The following OR51C1 variants were observed in gnomAD, a reference collection of about 807,000 sequenced individuals.
OR51C1 encodes olfactory receptor family 51 subfamily C member 1.
the OR51C1 span, chr11:4,690,701 A>G: frequency 3.1e-6 from 1 of 325,304 alleles, no homozygotes; most frequent in Non-Finnish European, 6.0e-6. Context: ...TTAATTGGAA[A>G]CATGACCTGA....
the OR51C1 span, among the ~76,000 whole-genome samples, chr11:4,696,154 G>A: frequency 2.0e-5 from 3 of 152,044 alleles, no homozygotes; most frequent in Non-Finnish European, 4.4e-5. Context: ...TGCTGCATGT[G>A]GTGAATAAAA....
At chr11:4,691,911 C>G in the OR51C1 span, among the ~76,000 whole-genome samples, 1 of 152,096 alleles carries the variant, frequency 6.6e-6, no homozygotes, top group Non-Finnish European at 1.5e-5. Flanking sequence ...TTGAATTTGC[C>G]TTAGTGTACA....
the OR51C1 span, among the ~76,000 whole-genome samples, chr11:4,692,685 G>A: frequency 2.6e-5 from 4 of 152,122 alleles, no homozygotes; most frequent in South Asian, 2.1e-4. Flanking sequence ...CAATCAATGA[G>A]AGAGAGCCAG....
the OR51C1 span, chr11:4,691,373 A>T: frequency 2.2e-6 from 1 of 457,990 alleles, no homozygotes; most frequent in Non-Finnish European, 4.4e-6. Flanking sequence ...ATTCCATGAC[A>T]GTGAAGAATT....
the OR51C1 span, among the ~76,000 whole-genome samples, chr11:4,693,435 G>A: frequency 6.6e-6 from 1 of 152,268 alleles, no homozygotes; most frequent in Middle Eastern, 3.4e-3. Context: ...TAAAAGTGTT[G>A]AGCAGGCTGG....
chr11:4,692,163 A>G, the OR51C1 span: 13 of 453,642 alleles, frequency 2.9e-5, no homozygotes, highest in African/African-American at 1.6e-4. Context: ...TACATTGGTC[A>G]TAAGTGTGGA....
the OR51C1 span, among the ~76,000 whole-genome samples, chr11:4,694,919 G>A: frequency 1.3e-5 from 2 of 152,142 alleles, no homozygotes; most frequent in Admixed American, 6.5e-5. Flanking sequence ...ATGGGTAAAT[G>A]TGAGTTTATA....
chr11:4,696,816 A>G, the OR51C1 span, among the ~76,000 whole-genome samples: 1 of 152,200 alleles, frequency 6.6e-6, no homozygotes, highest in Non-Finnish European at 1.5e-5. Flanking sequence ...GGCTGTCTTA[A>G]TCTGCTGAAC....
At chr11:4,690,742 C>G in the OR51C1 span, 1 of 387,388 alleles carries the variant, frequency 2.6e-6, no homozygotes, top group South Asian at 2.0e-5. Flanking sequence ...CCATCTAGTG[C>G]TAGAATTCTA....
chr11:4,693,681 C>T, the OR51C1 span, among the ~76,000 whole-genome samples: 26 of 152,076 alleles, frequency 1.7e-4, no homozygotes, highest in African/African-American at 4.3e-4. Context: ...GAGATGGCGC[C>T]ATTGCACTCC....
At chr11:4,696,181 T>C in the OR51C1 span, among the ~76,000 whole-genome samples, 9 of 152,168 alleles carry the variant, frequency 5.9e-5, no homozygotes, top group African/African-American at 2.2e-4. Context: ...TAAAATACTG[T>C]GGCTACCCCT....
the OR51C1 span, among the ~76,000 whole-genome samples, chr11:4,696,150 A>G: frequency 2.0e-5 from 3 of 152,180 alleles, no homozygotes; most frequent in Non-Finnish European, 4.4e-5. Flanking sequence ...TCCTTGCTGC[A>G]TGTGGTGAAT....
At chr11:4,691,891 T>C in the OR51C1 span, among the ~76,000 whole-genome samples, 3 of 152,208 alleles carry the variant, frequency 2.0e-5, no homozygotes, top group African/African-American at 4.8e-5. Flanking sequence ...GTGGGCACTT[T>C]GGTTTGTTTT....
At chr11:4,693,332 G>A in the OR51C1 span, among the ~76,000 whole-genome samples, 32 of 152,214 alleles carry the variant, frequency 2.1e-4, no homozygotes, top group African/African-American at 7.5e-4. Context: ...GTAGTATTTG[G>A]AGAAGGCTTT....
the OR51C1 span, among the ~76,000 whole-genome samples, chr11:4,693,578 G>A: frequency 1.2e-3 from 186 of 152,144 alleles, 1 homozygote; most frequent in African/African-American, 4.2e-3. Context: ...AAAATTAGCC[G>A]GGCGTGGTGG....
chr11:4,691,632 G>C, the OR51C1 span: 1 of 442,504 alleles, frequency 2.3e-6, no homozygotes, highest in Non-Finnish European at 4.5e-6. Flanking sequence ...GGTGTGGAAG[G>C]CTTCCAGCCC....
the OR51C1 span, chr11:4,691,177 G>A: frequency 2.2e-6 from 1 of 456,800 alleles, no homozygotes; most frequent in Non-Finnish European, 4.4e-6. Flanking sequence ...GAGTGGTGGA[G>A]TACTTGGCTG....
chr11:4,697,710 G>T, the OR51C1 span: 1 of 152,646 alleles, frequency 6.6e-6, no homozygotes, highest in African/African-American at 2.4e-5. Context: ...GGCTGAGGAG[G>T]CTTTAGATTC....
the OR51C1 span, among the ~76,000 whole-genome samples, chr11:4,694,542 A>ACG: frequency 9.4e-5 from 13 of 137,896 alleles, no homozygotes; most frequent in African/African-American, 1.6e-4. Context: ...ATATATACGT[A>ACG]TATATATATA....
Sources: allele counts gnomAD v4.1 joint callset (sites outside exome capture counted in the v4.1 genomes callset), GRCh38; gene constraint gnomAD v4.1.1; transcripts MANE v1.5; gene names NCBI Gene and HGNC (gene_info 2026-07-23, HGNC 2026-07-21).